OTUD7A: variants seen among roughly 807,000 people sequenced by gnomAD.
OTUD7A encodes OTU domain-containing protein 7A.
OTUD7A carries 12 observed loss-of-function variants against 65.7 expected under a neutral mutation model. The ratio of observed to expected loss-of-function variants is 0.18; its 90% CI spans 0.12 to 0.30. The LOEUF is 0.30. Among genes scored for constraint, OTUD7A ranks in the 10% least tolerant of loss-of-function variants. OTUD7A has a pLI of 1.00. For missense variants in OTUD7A, 1,148 were observed against 1,304.8 expected (o/e 0.88, Z 1.85); for synonymous variants, 641 against 586.3 (o/e 1.09, Z -1.35).
At chr15:31,502,183 C>G (rs1202628815) in intron 9 of OTUD7A, among the ~76,000 whole-genome samples, 4 of 152,202 alleles carry the variant, frequency 2.6e-5, no homozygotes, top group Non-Finnish European at 5.9e-5. Context: ...TTGTATACAA[C>G]AGAGTATGTG....
intron 3 of OTUD7A, among the ~76,000 whole-genome samples, chr15:31,627,127 A>G (rs894418919): frequency 2.0e-5 from 3 of 151,790 alleles, no homozygotes; most frequent in Non-Finnish European, 4.4e-5. Flanking sequence ...TTTAGGGTAC[A>G]TGTGCACAAT....
chr15:31,740,317 C>T (rs1216067347), intron 1 of OTUD7A, among the ~76,000 whole-genome samples: 2 of 152,184 alleles, frequency 1.3e-5, no homozygotes, highest in African/African-American at 2.4e-5. Context: ...GGAGACTCTC[C>T]GCTTTCCCTC....
chr15:31,584,950 A>T (rs918230241), intron 3 of OTUD7A, among the ~76,000 whole-genome samples: 1 of 152,194 alleles, frequency 6.6e-6, no homozygotes. Context: ...CTCTTAATTC[A>T]GTCTTTAAGG....
intron 8 of OTUD7A, among the ~76,000 whole-genome samples, chr15:31,514,049 CTTTCTTTCT>C (rs1371622822): frequency 6.0e-5 from 4 of 66,988 alleles, no homozygotes; most frequent in Non-Finnish European, 9.3e-5. Flanking sequence ...TTCTTTCTTT[CTTTCTTTCT>C]TTTTTTTTTT....
intron 4 of OTUD7A, among the ~76,000 whole-genome samples, chr15:31,560,485 C>CT (rs1888655021): frequency 6.6e-6 from 1 of 152,190 alleles, no homozygotes; most frequent in Non-Finnish European, 1.5e-5. Flanking sequence ...TGCAAAAGCA[C>CT]GCTTGTTTTT....
At chr15:31,845,282 T>C (rs1215884619) in intron 1 of OTUD7A, among the ~76,000 whole-genome samples, 1 of 152,192 alleles carries the variant, frequency 6.6e-6, no homozygotes, top group African/African-American at 2.4e-5. Flanking sequence ...TTCCATGTCC[T>C]GTACCTCTCC....
At chr15:31,652,000 C>CAAA (rs34951638) in intron 3 of OTUD7A, among the ~76,000 whole-genome samples, 9 of 114,714 alleles carry the variant, frequency 7.8e-5, no homozygotes, top group Non-Finnish European at 1.5e-4. Flanking sequence ...CATAGAAAGG[C>CAAA]AAAAAAAAAA....
intron 1 of OTUD7A, among the ~76,000 whole-genome samples, chr15:31,710,704 G>C (rs750508402): frequency 6.6e-6 from 1 of 152,262 alleles, no homozygotes; most frequent in Admixed American, 6.5e-5. Context: ...CTTCCTTTTT[G>C]ATTTTCTGTC....
chr15:31,515,706 CATCT>C (rs768523719), intron 8 of OTUD7A, among the ~76,000 whole-genome samples: 7 of 149,082 alleles, frequency 4.7e-5, no homozygotes, highest in Non-Finnish European at 8.9e-5. Flanking sequence ...TCCATCCATC[CATCT>C]GCTGTCTGTG....
chr15:31,483,267 C>A lies in OTUD7A; in HGVS notation c.*27G>T. The A allele has an allele frequency of 9.3e-7, 1 of 1,078,158 alleles. No homozygotes were observed. The allele number at this position is 1,078,158 out of a possible 1,614,324, so 66.8% of individuals were successfully genotyped here. On this transcript the variant is annotated 3_prime_UTR_variant, in exon 13 of 13. Coordinates refer to ENST00000307050, the MANE Select transcript of OTUD7A (RefSeq NM_001382637.1). The stretch of plus-strand genomic sequence containing the variant: ...GAAAAGAAATCCTCGAAGGTAGAAC[C>A]TCGCCGCCCGCGCCGCGCCGCGCCG...
intron 1 of OTUD7A, among the ~76,000 whole-genome samples, chr15:31,826,336 G>T (rs1425635170): frequency 6.6e-6 from 1 of 152,204 alleles, no homozygotes; most frequent in East Asian, 1.9e-4. Context: ...AGCACCACAT[G>T]GATATTGCCA....
At chr15:31,743,749 A>G (rs958805063) in intron 1 of OTUD7A, among the ~76,000 whole-genome samples, 5 of 97,962 alleles carry the variant, frequency 5.1e-5, no homozygotes, top group African/African-American at 1.5e-4. Context: ...TCAAAAAAAA[A>G]AGAAAAGAAA....
At chr15:31,775,748 A>G (rs867571239) in intron 1 of OTUD7A, among the ~76,000 whole-genome samples, 8 of 152,272 alleles carry the variant, frequency 5.3e-5, no homozygotes, top group South Asian at 4.2e-4. Context: ...GAGTGTAGAC[A>G]TGGGCATGGC....
At chr15:31,730,266 C>T (rs1219435873) in intron 1 of OTUD7A, among the ~76,000 whole-genome samples, 3 of 152,190 alleles carry the variant, frequency 2.0e-5, no homozygotes, top group Admixed American at 6.5e-5. Context: ...TTTAAGCCAC[C>T]CAGGCTACAG....
chr15:31,687,418 T>C (rs1892863276), intron 1 of OTUD7A, among the ~76,000 whole-genome samples: 1 of 152,202 alleles, frequency 6.6e-6, no homozygotes, highest in East Asian at 1.9e-4. Flanking sequence ...ATCTCAGGAA[T>C]AAAAGCAGCA....
At chr15:31,663,776 G>A (rs1349513870) in intron 1 of OTUD7A, among the ~76,000 whole-genome samples, 1 of 152,076 alleles carries the variant, frequency 6.6e-6, no homozygotes, top group Non-Finnish European at 1.5e-5. Flanking sequence ...CCCATCACCT[G>A]AGCAGTACAC....
At chr15:31,628,998 A>T (rs1305741996) in intron 3 of OTUD7A, among the ~76,000 whole-genome samples, 2 of 152,162 alleles carry the variant, frequency 1.3e-5, no homozygotes, top group Non-Finnish European at 2.9e-5. Context: ...TTGGGCTGAG[A>T]CAATGGGGTT....
At chr15:31,639,052 T>C (rs1484713009) in intron 3 of OTUD7A, among the ~76,000 whole-genome samples, 3 of 151,924 alleles carry the variant, frequency 2.0e-5, no homozygotes, top group Non-Finnish European at 2.9e-5. Context: ...GAGAATGGCG[T>C]GAACCCGGGA....
At chr15:31,585,941 A>G (rs1301246203) in intron 3 of OTUD7A, among the ~76,000 whole-genome samples, 1 of 152,192 alleles carries the variant, frequency 6.6e-6, no homozygotes, top group African/African-American at 2.4e-5. Context: ...AATGATATAT[A>G]TGTTATGATA....
Sources: allele counts gnomAD v4.1 joint callset (sites outside exome capture counted in the v4.1 genomes callset), GRCh38; gene constraint gnomAD v4.1.1; transcripts MANE v1.5; gene names NCBI Gene and HGNC (gene_info 2026-07-23, HGNC 2026-07-21).